RBM38: variants seen among roughly 807,000 people sequenced by gnomAD.
RBM38 encodes RNA binding motif protein 38.
In RBM38, 11 loss-of-function variants were observed where a neutral mutation model predicts 23.5. The ratio of observed to expected loss-of-function variants is 0.47; its 90% CI spans 0.29 to 0.77. The LOEUF is 0.77. Among genes scored for constraint, RBM38 ranks in the 30% least tolerant of loss-of-function variants. The probability of loss-of-function intolerance (pLI) is 0.08; values close to 1 mark genes in which losing one functional copy is unlikely to be tolerated. For synonymous variants in RBM38, 165 were observed against 166.1 expected (o/e 0.99, Z 0.05); for missense variants, 330 against 351.9 (o/e 0.94, Z 0.50).
chr20:57,398,560 C>T lies in RBM38; in HGVS notation c.416+5227C>T, dbSNP rs573484939. Among the ~76,000 whole-genome samples the T allele has an allele frequency of 9.2e-5, 14 of 152,314 alleles. No homozygotes were observed. In the South Asian group the frequency reaches 2.1e-3, roughly 23 times the overall value. On this transcript the variant is annotated intron_variant, in intron 3 of 3. Coordinates refer to ENST00000356208, the MANE Select transcript of RBM38 (RefSeq NM_017495.6). ...TGGCCCCGCCGCCCCCCTGCCCCCC[C>T]ACAAGGCTTCCTGTTTGGCAGCTCA...
At chr20:57,402,995 G>A (rs184028955) in intron 3 of RBM38, among the ~76,000 whole-genome samples, 27 of 152,348 alleles carry the variant, frequency 1.8e-4, no homozygotes, top group African/African-American at 2.6e-4. Context: ...CCTTTAGGAC[G>A]GCATCGTTCT....
intron 3 of RBM38, among the ~76,000 whole-genome samples, chr20:57,406,715 T>C (rs536761657): frequency 3.3e-5 from 5 of 152,112 alleles, no homozygotes; most frequent in Admixed American, 6.5e-5. Context: ...CTGTGAGGGC[T>C]GGGCACGGTG....
At position 57,406,619 on chromosome 20, in the gene RBM38, T is replaced by G. The variant is rs1218869083; in HGVS notation, c.417-924T>G. On this transcript the variant is annotated intron_variant, in intron 3 of 3. Coordinates refer to ENST00000356208, the MANE Select transcript of RBM38 (RefSeq NM_017495.6). Reference sequence around the variant, plus strand: ...CTGTGGTCACCGCCATTGCACTCCTTTGCTCCAGCATTCACGCAGTCACTC... The same window carrying G: ...CTGTGGTCACCGCCATTGCACTCCTGTGCTCCAGCATTCACGCAGTCACTC... Among the ~76,000 whole-genome samples the G allele has an allele frequency of 2.0e-5, 3 of 152,036 alleles. No individual in the cohort carries two copies. In the South Asian group the frequency reaches 6.2e-4, roughly 32 times the overall value.
At chr20:57,392,001 C>A in intron 1 of RBM38, among the ~76,000 whole-genome samples, 183 bp downstream of exon 1, 1 of 116,014 alleles carries the variant, frequency 8.6e-6, no homozygotes, top group East Asian at 2.7e-4. Flanking sequence ...CCCCCACCAC[C>A]CCAGGCCCCG....
intron 3 of RBM38, among the ~76,000 whole-genome samples, chr20:57,403,856 A>G (rs1264571734): frequency 6.6e-6 from 1 of 152,176 alleles, no homozygotes; most frequent in African/African-American, 2.4e-5. Context: ...TCTTGACCTC[A>G]TGATCTGCCC....
At chr20:57,398,919 C>T (rs537391873) in intron 3 of RBM38, among the ~76,000 whole-genome samples, 1 of 152,334 alleles carries the variant, frequency 6.6e-6, no homozygotes, top group South Asian at 2.1e-4. Flanking sequence ...TCAGGACCTT[C>T]CTGCTGATCT....
chr20:57,395,889 G>A (rs982365329), intron 3 of RBM38, among the ~76,000 whole-genome samples: 5 of 152,196 alleles, frequency 3.3e-5, no homozygotes, highest in South Asian at 2.1e-4. Context: ...GGCTGGCAGC[G>A]ACTTGCTGTT....
At chr20:57,400,574 G>A (rs2067317365) in intron 3 of RBM38, among the ~76,000 whole-genome samples, 1 of 152,164 alleles carries the variant, frequency 6.6e-6, no homozygotes, top group South Asian at 2.1e-4. Context: ...CAGACACCCC[G>A]GACCCCAGCT....
intron 1 of RBM38, 108 bp downstream of exon 1, chr20:57,391,926 C>T (rs1346189547): frequency 1.3e-6 from 1 of 780,704 alleles, no homozygotes; most frequent in South Asian, 6.1e-5. Context: ...GCCGCCCCCG[C>T]CCCAGGCGCC....
At chr20:57,392,368 C>T in intron 1 of RBM38, 1 of 1,460,852 alleles carries the variant, frequency 6.8e-7, no homozygotes, top group Non-Finnish European at 9.2e-7. Flanking sequence ...AAGCTCCCTT[C>T]GGGGTTCATT....
intron 3 of RBM38, among the ~76,000 whole-genome samples, chr20:57,405,612 A>G (rs1243058522): frequency 6.6e-6 from 1 of 152,180 alleles, no homozygotes; most frequent in Non-Finnish European, 1.5e-5. Context: ...CACTTCCCAG[A>G]TGGGGTGGGG....
chr20:57,399,546 G>A (rs2067306943), intron 3 of RBM38, among the ~76,000 whole-genome samples: 1 of 152,238 alleles, frequency 6.6e-6, no homozygotes, highest in South Asian at 2.1e-4. Flanking sequence ...CCTGACTGGG[G>A]TGGAGGCAGC....
At chr20:57,396,780 G>A (rs1056134555) in intron 3 of RBM38, among the ~76,000 whole-genome samples, 3 of 152,222 alleles carry the variant, frequency 2.0e-5, no homozygotes, top group Non-Finnish European at 4.4e-5. Context: ...ATGAGGACCA[G>A]TATCTGTGAG....
chr20:57,395,778 A>AGCTGGAGAGCT (rs2067268733), intron 3 of RBM38, among the ~76,000 whole-genome samples: 1 of 145,868 alleles, frequency 6.9e-6, no homozygotes, highest in Non-Finnish European at 1.5e-5. Flanking sequence ...GCTGGGCCGG[A>AGCTGGAGAGCT]GCTGGAGAGC....
chr20:57,392,304 C>T (rs71329736), intron 1 of RBM38: 1 of 763,566 alleles, frequency 1.3e-6, no homozygotes, highest in Non-Finnish European at 2.0e-6. Flanking sequence ...TCGCAAACTC[C>T]TTCTCAGAGG....
intron 1 of RBM38, 46 bp downstream of exon 1, chr20:57,391,864 T>G: frequency 1.1e-4 from 138 of 1,313,900 alleles, no homozygotes; most frequent in East Asian, 3.1e-4. Flanking sequence ...GCACACCTTA[T>G]CGCGGCCCGG....
chr20:57,392,394 C>G, intron 1 of RBM38: 1 of 1,512,842 alleles, frequency 6.6e-7, no homozygotes. Flanking sequence ...CCTATCCCCG[C>G]AGGGGATTAT....
In RBM38 at chr20:57,407,962, C is replaced by T. The variant is rs114691437; in HGVS notation, c.*116C>T. 2.4e-3 allele frequency: 3,267 copies of T among 1,338,762 alleles called. 47 individuals are homozygous for T. In the African/African-American group the frequency reaches 0.041, roughly 17 times the overall value. 82.9% of individuals were successfully genotyped at this position (1,338,762 alleles called of 1,614,324 possible). A position where few individuals can be genotyped will look rare whatever the true frequency, so the allele number is the denominator to read the frequency against. ...GCTTCAGTGAGGTGCCACCAGCACC[C>T]GTGCCTCCGAAGACCGCTCGGGCAT... On this transcript the variant is annotated 3_prime_UTR_variant, in exon 4 of 4. Transcript: ENST00000356208. The surrounding 1 kb of genome is among the most constrained non-coding windows in gnomAD (Gnocchi z 4.0).
At chr20:57,395,585 G>A (rs561080748) in intron 3 of RBM38, among the ~76,000 whole-genome samples, 35 of 152,332 alleles carry the variant, frequency 2.3e-4, no homozygotes, top group Admixed American at 2.3e-3. Flanking sequence ...GGGGCCATCC[G>A]CTCTTGGCTT....
Sources: gnomAD v4.1 joint callset for allele counts (sites outside exome capture counted in the v4.1 genomes callset) on GRCh38, gnomAD v4.1.1 for gene constraint, Gnocchi (gnomAD v3.1) non-coding constraint, MANE v1.5 for transcripts, NCBI Gene and HGNC (gene_info 2026-07-23, HGNC 2026-07-21) for gene names.